ZNF626: variants seen among roughly 807,000 people sequenced by gnomAD.
ZNF626 encodes the protein CTC-513N18.7.
A neutral mutation model predicts 11.7 loss-of-function variants in ZNF626; 4 were observed. That is an observed-to-expected ratio of 0.34 (90% CI 0.17 to 0.78). ZNF626 has a LOEUF of 0.78. ZNF626 is among the 30% of genes least tolerant of loss of function. ZNF626 has a pLI of 0.57. For synonymous variants in ZNF626, 179 were observed against 198.6 expected, an observed-to-expected ratio of 0.90 and a Z score of 0.83; for missense variants, 588 against 587.1, an observed-to-expected ratio of 1.00 and a Z score of -0.01.
Position 20,624,779 on chromosome 19 carries a change from C to A in ZNF626, c.1098G>T (p.Glu366Asp). ...LTTHKRIHTGEKPYKCEECGK... is the reference protein window; with the variant it reads ...LTTHKRIHTGDKPYKCEECGK... ...CACATTCTTCACATTTGTAGGGTTT[C>A]TCTCCAGTATGAATTCTCTTATGTG... Residue 366 changes from glutamate (E) to aspartate (D), a missense_variant, in exon 4 of 4, where the codon GAG becomes GAT. Glu to Asp is a conservative substitution (Grantham distance 45). Around this residue, in one of 4 missense-constraint regions of ZNF626, gnomAD observed 524 missense variants for 470.1 expected, o/e 1.11. Coordinates refer to ENST00000601440, the MANE Select transcript of ZNF626 (RefSeq NM_001076675.3). 1 of 1,613,174 alleles carries A rather than the reference C, an allele frequency of 6.2e-7. No homozygotes were observed. Among genetic ancestry groups the A allele is most frequent in the Non-Finnish European group, 8.5e-7 (1 of 1,179,894 alleles).
rs1245290254 is a variant in ZNF626 at position 20,621,674 on chromosome 19, AAATT to A, written c.*2612_*2615del. The A allele has an allele frequency of 2.0e-5, 3 of 152,208 alleles. No individual in the cohort carries two copies. Among genetic ancestry groups the A allele is most frequent in the African/African-American group, 7.2e-5 (3 of 41,472 alleles). 9.4% of individuals were successfully genotyped at this position (152,208 alleles called of 1,614,324 possible). A position where few individuals can be genotyped will look rare whatever the true frequency, so the allele number is the denominator to read the frequency against. On this transcript the variant is annotated 3_prime_UTR_variant, in exon 4 of 4. Transcript: ENST00000601440. ...CTATATACTCACAGATAGTAATAAT[AAATT>A]AAGAAAAAAGATTAAAAATTTAACT...
At chr19:20,629,378 G>C (rs1259135777) in intron 3 of ZNF626, among the ~76,000 whole-genome samples, 10 of 152,158 alleles carry the variant, frequency 6.6e-5, no homozygotes, top group Non-Finnish European at 1.2e-4. Flanking sequence ...TGGGCTGTAT[G>C]GCTATTTTCA....
chr19:20,642,245 A>G (rs1303990099), intron 3 of ZNF626, among the ~76,000 whole-genome samples: 1 of 152,230 alleles, frequency 6.6e-6, no homozygotes, highest in African/African-American at 2.4e-5. Flanking sequence ...ACAGAATTGC[A>G]AATTCTCTAA....
chr19:20,652,866 A>C (rs1432479533), intron 1 of ZNF626, among the ~76,000 whole-genome samples: 1 of 152,130 alleles, frequency 6.6e-6, no homozygotes, highest in Admixed American at 6.5e-5. Flanking sequence ...AAAGAAATGG[A>C]GATTTTCTTG....
rs1439682652 is a variant in ZNF626 at position 20,623,355 on chromosome 19, G to C, written c.*935C>G. Reference sequence around the variant, plus strand: ...TATCAAATGTGGCAACCATATAAAGGCTGTTTCACATTTTATATATTTCTA... The same window carrying C: ...TATCAAATGTGGCAACCATATAAAGCCTGTTTCACATTTTATATATTTCTA... On this transcript the variant is annotated 3_prime_UTR_variant, in exon 4 of 4. Transcript: ENST00000601440. 6.6e-6 allele frequency: 1 copy of C among 152,040 alleles called. No homozygotes were observed. The highest frequency in any genetic ancestry group is 2.4e-5 in the African/African-American group (1 of 41,382). The allele number at this position is 152,040 out of a possible 1,614,324, so 9.4% of individuals were successfully genotyped here.
chr19:20,655,096 AGTGAG>A (rs1970190478), intron 1 of ZNF626, among the ~76,000 whole-genome samples: 1 of 138,402 alleles, frequency 7.2e-6, no homozygotes, highest in Non-Finnish European at 1.5e-5. Flanking sequence ...TCGGCAACAG[AGTGAG>A]ACTGTCTCAA....
rs1354496555 is a variant in ZNF626 at position 20,636,400 on chromosome 19, ATAAT to A, written c.226+9280_226+9283del. On this transcript the variant is annotated intron_variant, in intron 3 of 3. Coordinates refer to ENST00000601440, the MANE Select transcript of ZNF626 (RefSeq NM_001076675.3). ...ATAATATAAACTAAAAAATCAACAC[ATAAT>A]TAAATGATGTGATGTGACATTCCCA... 1.9e-4 allele frequency among the ~76,000 whole-genome samples: 29 copies of A among 152,152 alleles called. No individual in the cohort carries two copies. The South Asian group carries it at 2.7e-3, about 14-fold the overall frequency.
chr19:20,654,435 C>T (rs558037487), intron 1 of ZNF626, among the ~76,000 whole-genome samples: 66 of 139,358 alleles, frequency 4.7e-4, no homozygotes, highest in African/African-American at 1.4e-3. Flanking sequence ...AGAGGCCAGG[C>T]GCGGTGGCTT....
At chr19:20,640,818 TATAA>T (rs1414858447) in intron 3 of ZNF626, among the ~76,000 whole-genome samples, 2 of 152,112 alleles carry the variant, frequency 1.3e-5, no homozygotes, top group African/African-American at 4.8e-5. Flanking sequence ...TTTAAAAAGT[TATAA>T]ATGTTTCTCA....
chr19:20,659,387 C>T (rs1970239543), intron 1 of ZNF626, among the ~76,000 whole-genome samples: 3 of 152,048 alleles, frequency 2.0e-5, no homozygotes, highest in South Asian at 2.1e-4. Context: ...TTACAGGTGG[C>T]CACCACAACT....
intron 3 of ZNF626, among the ~76,000 whole-genome samples, chr19:20,633,632 C>T (rs1027739630): frequency 3.3e-5 from 5 of 152,274 alleles, no homozygotes; most frequent in South Asian, 2.1e-4. Flanking sequence ...TTTTTAAGCC[C>T]GTTGGAAAAG....
intron 1 of ZNF626, among the ~76,000 whole-genome samples, chr19:20,654,437 C>T (rs573197696): frequency 4.6e-4 from 64 of 137,914 alleles, no homozygotes; most frequent in African/African-American, 1.4e-3. Flanking sequence ...AGGCCAGGCG[C>T]GGTGGCTTAC....
In ZNF626 at chr19:20,627,157, AC is replaced by A. The variant is rs570504795; in HGVS notation, c.227-1508del. The stretch of plus-strand genomic sequence containing the variant: ...ATTGTGGATATAAAAAATGCAAAAA[AC>A]AATTGAAAAATTTCTTAAAAGGAAA... On this transcript the variant is annotated intron_variant, in intron 3 of 3. Transcript: ENST00000601440. 3.0e-3 allele frequency among the ~76,000 whole-genome samples: 450 copies of A among 152,306 alleles called. 3 individuals are homozygous for A. Among genetic ancestry groups the A allele is most frequent in the Non-Finnish European group, 5.4e-3 (370 of 68,016 alleles).
At chr19:20,626,928 T>C (rs1390254400) in intron 3 of ZNF626, among the ~76,000 whole-genome samples, 1 of 152,028 alleles carries the variant, frequency 6.6e-6, no homozygotes, top group Non-Finnish European at 1.5e-5. Flanking sequence ...GGCCGGAGAA[T>C]TGCTTGAACT....
intron 3 of ZNF626, among the ~76,000 whole-genome samples, chr19:20,640,180 ATAT>A (rs1200279272): frequency 7.2e-6 from 1 of 138,202 alleles, no homozygotes; most frequent in Non-Finnish European, 1.5e-5. Flanking sequence ...TTTTAATAAA[ATAT>A]TATTTAAAAT....
chr19:20,638,425 C>CTAAATAAATAAATAAA (rs60283787), intron 3 of ZNF626, among the ~76,000 whole-genome samples: 21,769 of 140,808 alleles, frequency 0.15, 2,022 homozygotes, highest in East Asian at 0.29. Flanking sequence ...AACTGCATGT[C>CTAAATAAATAAATAAA]TAAATAAATA....
intron 3 of ZNF626, among the ~76,000 whole-genome samples, chr19:20,640,901 A>G (rs1599480812): frequency 6.6e-6 from 1 of 152,204 alleles, no homozygotes; most frequent in Non-Finnish European, 1.5e-5. Context: ...AATCCTAGCA[A>G]TTTGGGAGGC....
At chr19:20,646,498 G>A in intron 1 of ZNF626, 93 bp from the exon 2 acceptor site, 2 of 1,599,336 alleles carry the variant, frequency 1.3e-6, no homozygotes, top group South Asian at 1.1e-5. Context: ...AAGAGAACTG[G>A]TTCTGACTTA....
chr19:20,657,829 CA>C (rs1258145073), intron 1 of ZNF626, among the ~76,000 whole-genome samples: 1 of 150,782 alleles, frequency 6.6e-6, no homozygotes, highest in Non-Finnish European at 1.5e-5. Flanking sequence ...AAAAAACAAA[CA>C]AAAAAAAGAA....
Sources: allele counts gnomAD v4.1 joint callset (sites outside exome capture counted in the v4.1 genomes callset), GRCh38; gene constraint gnomAD v4.1.1; regional missense constraint gnomAD v4.1.1; transcripts MANE v1.5; gene names NCBI Gene and HGNC (gene_info 2026-07-23, HGNC 2026-07-21).